The following DZANK1 variants were observed in gnomAD, a reference collection of about 807,000 sequenced individuals.
DZANK1 encodes double zinc ribbon and ankyrin repeat-containing protein 1.
A neutral mutation model predicts 94.5 loss-of-function variants in DZANK1; 91 were observed. That is an observed-to-expected ratio of 0.96 (90% CI 0.81 to 1.15). The LOEUF (loss-of-function observed/expected upper bound fraction) is 1.15, where lower values mean the gene tolerates loss of function less well. Among genes scored for constraint, DZANK1 ranks in the 50% most tolerant of loss-of-function variants. The pLI, the probability that DZANK1 is intolerant of heterozygous loss-of-function variation, is 0.00. For missense variants in DZANK1, 903 were observed against 916.4 expected (o/e 0.99, Z 0.19); for synonymous variants, 312 against 325.3 (o/e 0.96, Z 0.44).
intron 2 of DZANK1, among the ~76,000 whole-genome samples, chr20:18,462,937 T>TAA (rs61694583): frequency 3.1e-4 from 34 of 110,984 alleles, no homozygotes; most frequent in Non-Finnish European, 4.2e-4. Context: ...GACTCGGTCT[T>TAA]AAAAAAAAAA....
chr20:18,449,135 G>A, intron 6 of DZANK1, 66 bp from the exon 7 acceptor site: 5 of 1,327,878 alleles, frequency 3.8e-6, no homozygotes, highest in Non-Finnish European at 5.4e-6. Flanking sequence ...AAAGGCTATG[G>A]TATAGTAAAA....
chr20:18,455,111 A>G (rs929326310), intron 4 of DZANK1, 136 bp downstream of exon 4: 2 of 628,700 alleles, frequency 3.2e-6, no homozygotes, highest in African/African-American at 1.9e-5. Context: ...ATGCTTTGCA[A>G]TGGTTGATAA....
chr20:18,419,903 A>AC (rs1456679264), intron 10 of DZANK1, among the ~76,000 whole-genome samples: 5 of 146,256 alleles, frequency 3.4e-5, no homozygotes, highest in African/African-American at 7.6e-5. Context: ...AAAAAAAAAC[A>AC]AACAGCTTTA....
rs55683540 is a variant in DZANK1 at position 18,422,799 on chromosome 20, C to CTTTTTTTTT, written c.954+4259_954+4267dup. On this transcript the variant is annotated intron_variant, in intron 10 of 20. Coordinates refer to ENST00000262547, the Ensembl canonical transcript of DZANK1. ...GAAGTGTGATGTCTCTGGCTTTGTT[C>CTTTTTTTTT]TTTTTTTTTTTTTTTCTCAAAATTG... is the stretch of plus-strand genomic sequence containing the variant. 3.4e-3 allele frequency among the ~76,000 whole-genome samples: 419 copies of CTTTTTTTTT among 124,668 alleles called. 26 individuals carry two copies. The highest frequency in any genetic ancestry group is 5.4e-3 in the Non-Finnish European group (324 of 60,234). 81.8% of individuals were successfully genotyped at this position (124,668 alleles called of 152,430 possible).
chr20:18,418,147 T>C (rs1156655614), intron 10 of DZANK1, among the ~76,000 whole-genome samples: 1 of 151,362 alleles, frequency 6.6e-6, no homozygotes, highest in Non-Finnish European at 1.5e-5. Flanking sequence ...GCAGGTAGAG[T>C]TGCAGCAAGT....
At chr20:18,402,620 C>A (rs556292778) in intron 13 of DZANK1, among the ~76,000 whole-genome samples, 1 of 152,240 alleles carries the variant, frequency 6.6e-6, no homozygotes. Flanking sequence ...AAGGGCTGAA[C>A]AGCACACTTG....
intron 11 of DZANK1, among the ~76,000 whole-genome samples, chr20:18,414,959 T>TAG (rs938662205): frequency 1.3e-5 from 2 of 152,168 alleles, no homozygotes; most frequent in Admixed American, 6.5e-5. Context: ...CTGTGGGACT[T>TAG]AGAGAGAGAG....
intron 17 of DZANK1, among the ~76,000 whole-genome samples, chr20:18,390,723 C>T (rs1238883030): frequency 6.6e-6 from 1 of 152,184 alleles, no homozygotes; most frequent in East Asian, 1.9e-4. Context: ...TGAGAAACCT[C>T]ACAAAACCCA....
chr20:18,387,175 G>GC (rs923062006), intron 19 of DZANK1, among the ~76,000 whole-genome samples: 10 of 152,200 alleles, frequency 6.6e-5, no homozygotes, highest in African/African-American at 2.4e-4. Flanking sequence ...TAGGGTTGCC[G>GC]CATCTCCTAA....
chr20:18,442,903 C>T (rs186279149), intron 8 of DZANK1, among the ~76,000 whole-genome samples: 1 of 152,046 alleles, frequency 6.6e-6, no homozygotes, highest in African/African-American at 2.4e-5. Context: ...CTAAATCAGC[C>T]AAAGCTTTTA....
chr20:18,464,737 G>A (rs1198433328), intron 2 of DZANK1, among the ~76,000 whole-genome samples: 2 of 140,768 alleles, frequency 1.4e-5, no homozygotes. Flanking sequence ...GTGCACTGGC[G>A]CGATCTCGGC....
At chr20:18,395,264 G>C (rs898668767) in intron 15 of DZANK1, among the ~76,000 whole-genome samples, 1 of 152,182 alleles carries the variant, frequency 6.6e-6, no homozygotes, top group African/African-American at 2.4e-5. Flanking sequence ...AGGCAGCTGA[G>C]GAACGAGAAT....
chr20:18,452,783 A>G lies in DZANK1; in HGVS notation c.476-101T>C, dbSNP rs753610728. On this transcript the variant is annotated intron_variant, in intron 5 of 20. Transcript: ENST00000262547. ...CATTATTCTTTGAGCATCTGTAATT[A>G]TACATAATCATACAAAGATATCTTC... 3.3e-6 allele frequency: 5 copies of G among 1,502,174 alleles called. No individual in the cohort carries two copies. The African/African-American group carries it at 7.0e-5, about 21-fold the overall frequency. 93.1% of individuals were successfully genotyped at this position (1,502,174 alleles called of 1,614,324 possible).
chr20:18,386,789 T>C (rs1341235181), intron 19 of DZANK1, among the ~76,000 whole-genome samples: 1 of 152,188 alleles, frequency 6.6e-6, no homozygotes, highest in Non-Finnish European at 1.5e-5. Context: ...TAAGACTTTT[T>C]AAATTGAAAA....
chr20:18,445,330 T>C (rs764095183), intron 7 of DZANK1, among the ~76,000 whole-genome samples: 12 of 152,130 alleles, frequency 7.9e-5, no homozygotes, highest in Non-Finnish European at 1.6e-4. Context: ...AGTATCAAAG[T>C]ACATGAAGAA....
chr20:18,394,703 A>G, intron 15 of DZANK1: 1 of 510,078 alleles, frequency 2.0e-6, no homozygotes, highest in Non-Finnish European at 3.9e-6. Flanking sequence ...TGATTGTGTC[A>G]TTTCTCTGCT....
At chr20:18,404,340 T>G (rs79726483) in intron 13 of DZANK1, among the ~76,000 whole-genome samples, 1 of 152,252 alleles carries the variant, frequency 6.6e-6, no homozygotes, top group East Asian at 1.9e-4. Flanking sequence ...CACAGCTTAA[T>G]GGCTAGGTGT....
intron 11 of DZANK1, among the ~76,000 whole-genome samples, chr20:18,414,713 C>G (rs1037514430): frequency 2.0e-5 from 3 of 152,150 alleles, no homozygotes; most frequent in Admixed American, 6.5e-5. Flanking sequence ...TAAAAGAAAT[C>G]ACTGAAAACA....
intron 17 of DZANK1, among the ~76,000 whole-genome samples, chr20:18,391,263 T>G (rs2055966418): frequency 1.3e-5 from 2 of 152,240 alleles, no homozygotes; most frequent in South Asian, 4.1e-4. Flanking sequence ...AGATGGAGTC[T>G]TGCTCTGTCA....
Sources: allele counts gnomAD v4.1 joint callset (sites outside exome capture counted in the v4.1 genomes callset), GRCh38; gene constraint gnomAD v4.1.1; transcripts MANE v1.5; gene names NCBI Gene and HGNC (gene_info 2026-07-23, HGNC 2026-07-21).